TSHZ2: variants seen among roughly 807,000 people sequenced by gnomAD.
TSHZ2 encodes teashirt homolog 2.
A neutral mutation model predicts 74.4 loss-of-function variants in TSHZ2; 21 were observed. That is an observed-to-expected ratio of 0.28 (90% CI 0.20 to 0.41). The LOEUF (loss-of-function observed/expected upper bound fraction) is 0.41, where lower values mean the gene tolerates loss of function less well. Ranked by LOEUF, TSHZ2 falls within the 10% of genes least tolerant of loss-of-function variation. The pLI is 1.00. For missense variants in TSHZ2, 1,244 were observed against 1,293.5 expected (o/e 0.96, Z 0.59); for synonymous variants, 540 against 515.3 (o/e 1.05, Z -0.65).
intron 2 of TSHZ2, among the ~76,000 whole-genome samples, chr20:53,483,348 C>T (rs1326281024): frequency 6.6e-6 from 1 of 152,016 alleles, no homozygotes; most frequent in Non-Finnish European, 1.5e-5. Flanking sequence ...CCAGGAGGCT[C>T]TACAAAATAC....
chr20:53,202,148 G>A (rs1399947118), intron 1 of TSHZ2, among the ~76,000 whole-genome samples: 1 of 152,178 alleles, frequency 6.6e-6, no homozygotes, highest in Non-Finnish European at 1.5e-5. Flanking sequence ...GCTGCTGGAG[G>A]ACAAAGGCAG....
chr20:53,141,918 G>T (rs1987409600), intron 1 of TSHZ2, among the ~76,000 whole-genome samples: 1 of 152,250 alleles, frequency 6.6e-6, no homozygotes, highest in African/African-American at 2.4e-5. Flanking sequence ...ACAGCCACCA[G>T]GCACCAGCTG....
At chr20:53,177,252 A>C (rs1988366246) in intron 1 of TSHZ2, among the ~76,000 whole-genome samples, 1 of 152,194 alleles carries the variant, frequency 6.6e-6, no homozygotes, top group African/African-American at 2.4e-5. Context: ...GCTCCCAGGA[A>C]AACCTCTGTC....
At chr20:53,381,906 G>T (rs1408322362) in intron 2 of TSHZ2, among the ~76,000 whole-genome samples, 2 of 152,190 alleles carry the variant, frequency 1.3e-5, no homozygotes, top group Admixed American at 6.5e-5. Flanking sequence ...CCCTTTGTGG[G>T]CATTGCTTTC....
chr20:53,160,438 G>A (rs1162528163), intron 1 of TSHZ2, among the ~76,000 whole-genome samples: 1 of 152,030 alleles, frequency 6.6e-6, no homozygotes, highest in Non-Finnish European at 1.5e-5. Flanking sequence ...AGTATTGCTG[G>A]AGCCAAGTAA....
At chr20:53,115,428 A>G (rs1000642906) in intron 1 of TSHZ2, among the ~76,000 whole-genome samples, 16 of 152,154 alleles carry the variant, frequency 1.1e-4, no homozygotes, top group Admixed American at 8.5e-4. Flanking sequence ...TCCCCTGCAC[A>G]CATTCTCTCT....
chr20:53,336,105 G>A (rs1979938702), intron 2 of TSHZ2, among the ~76,000 whole-genome samples: 1 of 152,206 alleles, frequency 6.6e-6, no homozygotes, highest in Admixed American at 6.5e-5. Context: ...CAGGTAAAAT[G>A]CAAGCATATG....
chr20:53,271,520 C>CCCATCACGGAA (rs1290104150), intron 2 of TSHZ2, among the ~76,000 whole-genome samples: 1 of 152,202 alleles, frequency 6.6e-6, no homozygotes, highest in African/African-American at 2.4e-5. Context: ...AGAATGTTTG[C>CCCATCACGGAA]TGCCCATCAC....
intron 1 of TSHZ2, among the ~76,000 whole-genome samples, chr20:53,250,756 C>G (rs1352421513): frequency 6.6e-6 from 1 of 150,646 alleles, no homozygotes; most frequent in Non-Finnish European, 1.5e-5. Flanking sequence ...GACTTTTCTT[C>G]TGGGGAATCC....
chr20:53,462,022 A>G (rs921101463), intron 2 of TSHZ2, among the ~76,000 whole-genome samples: 1 of 152,190 alleles, frequency 6.6e-6, no homozygotes, highest in Non-Finnish European at 1.5e-5. Flanking sequence ...ACTTGAGGTC[A>G]GGAGTTCGAG....
At chr20:53,182,660 T>C (rs1489653130) in intron 1 of TSHZ2, among the ~76,000 whole-genome samples, 3 of 152,208 alleles carry the variant, frequency 2.0e-5, no homozygotes, top group African/African-American at 4.8e-5. Flanking sequence ...TCTGAACTTC[T>C]CTCTTTCCCT....
intron 1 of TSHZ2, among the ~76,000 whole-genome samples, chr20:53,113,882 T>C (rs867188865): frequency 5.9e-5 from 9 of 152,038 alleles, no homozygotes; most frequent in Non-Finnish European, 1.0e-4. Flanking sequence ...ATTATCTGGT[T>C]TTCACTCAGC....
At chr20:53,028,607 G>A (rs1200772480) in intron 1 of TSHZ2, among the ~76,000 whole-genome samples, 5 of 152,134 alleles carry the variant, frequency 3.3e-5, no homozygotes, top group Admixed American at 2.0e-4. Context: ...ATGCTTTTTG[G>A]CGGAGGTGGT....
At chr20:53,208,194 TAATA>T (rs1180131292) in intron 1 of TSHZ2, among the ~76,000 whole-genome samples, 2 of 152,128 alleles carry the variant, frequency 1.3e-5, no homozygotes, top group Non-Finnish European at 2.9e-5. Flanking sequence ...CTAGCATAAG[TAATA>T]AATAAATAAA....
intron 1 of TSHZ2, among the ~76,000 whole-genome samples, chr20:52,989,087 T>C (rs1981878522): frequency 6.6e-6 from 1 of 150,450 alleles, no homozygotes; most frequent in African/African-American, 2.5e-5. Context: ...ATAAGAAAGG[T>C]GATCATGAAA....
rs1568803578 is a variant in TSHZ2 at position 53,190,139 on chromosome 20, T to TATA, written c.41-63360_41-63359insATA. Among the ~76,000 whole-genome samples the TATA allele has an allele frequency of 3.6e-4, 18 of 49,382 alleles. 1 individual carries two copies. In the East Asian group the frequency reaches 4.0e-3, roughly 11 times the overall value. 32.4% of individuals were successfully genotyped at this position (49,382 alleles called of 152,430 possible). The stretch of plus-strand genomic sequence containing the variant: ...TATATATATATATATATATATATAT[T>TATA]TTCTTAAATGCCTCTGTTTCTTTTT... On this transcript the variant is annotated intron_variant, in intron 1 of 2. Transcript: ENST00000371497.
chr20:53,027,877 G>T (rs894416234), intron 1 of TSHZ2, among the ~76,000 whole-genome samples: 1 of 152,124 alleles, frequency 6.6e-6, no homozygotes, highest in Non-Finnish European at 1.5e-5. Flanking sequence ...GGAGAGGGTG[G>T]TTAGATATTT....
chr20:53,230,014 G>A (rs999415857), intron 1 of TSHZ2, among the ~76,000 whole-genome samples: 44 of 129,118 alleles, frequency 3.4e-4, no homozygotes, highest in Admixed American at 2.6e-4. Flanking sequence ...AGAGAGGAAG[G>A]GAAAAAAGAG....
intron 1 of TSHZ2, among the ~76,000 whole-genome samples, chr20:53,042,571 A>T (rs1200939235): frequency 6.6e-6 from 1 of 152,202 alleles, no homozygotes; most frequent in Non-Finnish European, 1.5e-5. Flanking sequence ...TGAAGATCAT[A>T]GGGAATGATG....
Sources: gnomAD v4.1 joint callset for allele counts (sites outside exome capture counted in the v4.1 genomes callset) on GRCh38, gnomAD v4.1.1 for gene constraint, MANE v1.5 for transcripts, NCBI Gene and HGNC (gene_info 2026-07-23, HGNC 2026-07-21) for gene names.